Variants in FBXL18 observed in about 807,000 individuals in gnomAD.
FBXL18 encodes F-box/LRR-repeat protein 18.
In FBXL18, 36 loss-of-function variants were observed where a neutral mutation model predicts 46.0. The ratio of observed to expected loss-of-function variants is 0.78; its 90% confidence interval spans 0.60 to 1.03. The LOEUF (loss-of-function observed/expected upper bound fraction) is 1.03, where lower values mean the gene tolerates loss of function less well. FBXL18 is among the 50% of genes least tolerant of loss of function. FBXL18 has a pLI of 0.00. For missense variants in FBXL18, 977 were observed against 1,004.1 expected (o/e 0.97, Z 0.36); for synonymous variants, 557 against 465.3 (o/e 1.20, Z -2.54).
rs1442909777 is a variant in FBXL18, at chr7:5,480,983, T to C, written c.*792A>G. The C allele has an allele frequency of 6.8e-6, 1 of 147,648 alleles. No individual in the cohort carries two copies. Among genetic ancestry groups the C allele is most frequent in the Admixed American group, 6.9e-5 (1 of 14,490 alleles). 9.1% of individuals were successfully genotyped at this position (147,648 alleles called of 1,614,324 possible). A position where few individuals can be genotyped will look rare whatever the true frequency, so the allele number is the denominator to read the frequency against. ...TTATTCTAACAAAGCCGAATGTGTA[T>C]CGATTTCCCCAGGAACGCGCATGGA... On this transcript the variant is annotated 3_prime_UTR_variant, in exon 5 of 5. Transcript: ENST00000382368.
Position 5,501,438 on chromosome 7 carries a change from G to A in FBXL18, c.831C>T (p.Gly277=). The A allele has an allele frequency of 1.9e-6, 3 of 1,612,300 alleles. No homozygotes were observed. The highest frequency in any genetic ancestry group is 2.5e-6 in the Non-Finnish European group (3 of 1,179,770). ...ISVPGSFAES[G]ATKNLLDSMA... is the part of the protein sequence containing the mutation. ...TGGAGTCCAGGAGGTTCTTGGTGGC[G>A]CCGCTCTCCGCGAAGCTGCCAGGGA... The change falls in exon 3 of 5, where the codon GGC becomes GGT. Residue 277 remains glycine, a synonymous_variant. Transcript: ENST00000382368.
chr7:5,493,927 A>T (rs1435402381), intron 3 of FBXL18, among the ~76,000 whole-genome samples: 1 of 151,998 alleles, frequency 6.6e-6, no homozygotes, highest in Non-Finnish European at 1.5e-5. Flanking sequence ...TGAGGTCAGG[A>T]GTTCGACACT....
rs770719005 is a variant in FBXL18 at position 5,501,647 on chromosome 7, G to A, written c.622C>T (p.Arg208Cys). Residue 208 changes from arginine (R) to cysteine (C), a missense_variant, in exon 3 of 5, where the codon CGC (arginine) becomes TGC (cysteine). Physicochemically the swap from Arg to Cys is radical, Grantham distance 180. Transcript: ENST00000382368. ...TGGCCCGAGAGGATGGCGCCCTCGC[G>A]CGTGCGGTCCAGAATCTCGAAGTAG... ...LLYFEILDRT[R>C]EGAILSGQLM... The A allele has an allele frequency of 3.7e-6, 6 of 1,612,786 alleles. No individual in the cohort carries two copies. Among genetic ancestry groups the A allele is most frequent in the Non-Finnish European group, 2.5e-6 (3 of 1,179,602 alleles).
At position 5,456,569 on chromosome 7, in the gene FBXL18, G is replaced by T. The variant is rs146258622; in HGVS notation, c.2001-8726C>A. On this transcript the variant is annotated intron_variant and NMD_transcript_variant, in intron 4 of 6. Coordinates refer to the FBXL18 transcript ENST00000415009. ...AGCAGCAAACTCAGCAAGGTGGGGG[G>T]GCTCCAGGCAGAGGGAACAGCTTGT... Among the ~76,000 whole-genome samples, 664 of 152,190 alleles carry T rather than the reference G, an allele frequency of 4.4e-3. 3 individuals are homozygous for T. The highest frequency in any genetic ancestry group is 5.5e-3 in the Non-Finnish European group (371 of 68,002).
Position 5,501,470 on chromosome 7 carries a change from T to C in FBXL18, c.799A>G (p.Ile267Val). ...TCCGCGAAGCTGCCAGGGACGGAGA[T>C]GAGGAAGGCGTGGAGGTTCTGAGGA... ...RTPQNLHAFL[I>V]SVPGSFAESG... Residue 267 changes from isoleucine to valine, a missense_variant, in exon 3 of 5, where the codon ATC (isoleucine) becomes GTC (valine). Ile to Val is a conservative substitution (Grantham distance 29). Transcript: ENST00000382368. 3 of 1,613,338 alleles carry C rather than the reference T, an allele frequency of 1.9e-6. No individual in the cohort carries two copies. Among genetic ancestry groups the C allele is most frequent in the Non-Finnish European group, 2.5e-6 (3 of 1,179,894 alleles).
intron 2 of FBXL18, among the ~76,000 whole-genome samples, chr7:5,503,028 A>G (rs1407777137): frequency 2.0e-5 from 3 of 152,172 alleles, no homozygotes; most frequent in Non-Finnish European, 2.9e-5. Context: ...GTGTCCATCA[A>G]CAGGTGGATG....
intron 4 of FBXL18, among the ~76,000 whole-genome samples, chr7:5,459,996 G>A (rs984832288): frequency 2.0e-5 from 3 of 151,770 alleles, no homozygotes; most frequent in East Asian, 1.9e-4. Context: ...ACAGTGGCTC[G>A]TGCCTGTAAT....
chr7:5,513,187 G>A (rs1340768412), intron 1 of FBXL18, among the ~76,000 whole-genome samples: 1 of 152,136 alleles, frequency 6.6e-6, no homozygotes, highest in South Asian at 2.1e-4. Flanking sequence ...CAGGTGAAAT[G>A]GCTTTTCCTC....
intron 1 of FBXL18, among the ~76,000 whole-genome samples, chr7:5,512,244 CA>C (rs544569914): frequency 1.2e-3 from 75 of 60,776 alleles, no homozygotes; most frequent in Non-Finnish European, 1.2e-3. Context: ...GACTCCGTCT[CA>C]AAAAAAAAAA....
At chr7:5,485,440 T>C (rs1490722102) in intron 4 of FBXL18, among the ~76,000 whole-genome samples, 1 of 152,146 alleles carries the variant, frequency 6.6e-6, no homozygotes, top group Non-Finnish European at 1.5e-5. Context: ...TTCACACTCA[T>C]TGGCGAGATG....
At chr7:5,503,605 C>G (rs1784322153) in intron 2 of FBXL18, among the ~76,000 whole-genome samples, 1 of 151,902 alleles carries the variant, frequency 6.6e-6, no homozygotes, top group African/African-American at 2.4e-5. Context: ...TGTGATCCAC[C>G]TGCCTCAGCC....
Position 5,481,679 on chromosome 7 carries a change from G to T in FBXL18, c.*96C>A. Reference sequence around the variant, plus strand: ...TGGGGCGTGGCTGGCCGGGAGAGAGGCCCCCTTCCTCTTGTGACAAACCAA... The same window carrying T: ...TGGGGCGTGGCTGGCCGGGAGAGAGTCCCCCTTCCTCTTGTGACAAACCAA... On this transcript the variant is annotated 3_prime_UTR_variant, in exon 5 of 5. Coordinates refer to ENST00000382368, the MANE Select transcript of FBXL18 (RefSeq NM_024963.6). The T allele has an allele frequency of 2.2e-6, 3 of 1,355,354 alleles. No individual in the cohort carries two copies. Among genetic ancestry groups the T allele is most frequent in the Non-Finnish European group, 3.1e-6 (3 of 973,830 alleles). The allele number at this position is 1,355,354 out of a possible 1,614,324, so 84.0% of individuals were successfully genotyped here.
At chr7:5,469,714 G>A (rs1783398447) in intron 4 of FBXL18, among the ~76,000 whole-genome samples, 1 of 152,084 alleles carries the variant, frequency 6.6e-6, no homozygotes, top group Non-Finnish European at 1.5e-5. Context: ...GTCCGTGTAA[G>A]TAGAGTGCGT....
Position 5,500,956 on chromosome 7 carries a change from T to C in FBXL18, c.1313A>G (p.Gln438Arg). Reference sequence around the variant, plus strand: ...GCGCGGCACTGCGTGCATGGCCGGCTGGGCGGGCGCGCGGTCGGCGCGCGG... The same window carrying C: ...GCGCGGCACTGCGTGCATGGCCGGCCGGGCGGGCGCGCGGTCGGCGCGCGG... ...SAPRADRAPA[Q>R]PAMHAVPRGF... Residue 438 changes from glutamine (Q) to arginine (R), a missense_variant, in exon 3 of 5, where the codon CAG becomes CGG. By Grantham distance (43) the Gln-to-Arg change is conservative. Transcript: ENST00000382368. 1 of 1,537,468 alleles carries C rather than the reference T, an allele frequency of 6.5e-7. No individual in the cohort carries two copies. Among genetic ancestry groups the C allele is most frequent in the Non-Finnish European group, 8.7e-7 (1 of 1,147,178 alleles).
chr7:5,500,971 T>TCGGCGCGCGGC lies in FBXL18; in HGVS notation c.1287_1297dup (p.Asp433GlyfsTer51). On this transcript the variant is annotated frameshift_variant, in exon 3 of 5. Coordinates refer to ENST00000382368, the MANE Select transcript of FBXL18 (RefSeq NM_024963.6). LOFTEE classifies it high-confidence loss of function. ...CATGGCCGGCTGGGCGGGCGCGCGG[T>TCGGCGCGCGGC]CGGCGCGCGGCGCGGAGTCAGCGAC... The TCGGCGCGCGGC allele has an allele frequency of 1.3e-6, 2 of 1,538,156 alleles. No individual in the cohort carries two copies. The highest frequency in any genetic ancestry group is 1.7e-6 in the Non-Finnish European group (2 of 1,149,036).
chr7:5,503,526 CTCT>C (rs1419741707), intron 2 of FBXL18, among the ~76,000 whole-genome samples: 1 of 34,468 alleles, frequency 2.9e-5, no homozygotes, highest in Non-Finnish European at 5.3e-5. Flanking sequence ...GCTCATTTTT[CTCT>C]TTTTTTTTTT....
chr7:5,463,728 A>ATTTATTTTTTTTTTTTT (rs1562672288), intron 4 of FBXL18, among the ~76,000 whole-genome samples: 13 of 53,034 alleles, frequency 2.5e-4, no homozygotes, highest in African/African-American at 3.2e-4. Context: ...TTATTTATTT[A>ATTTATTTTTTTTTTTTT]TTTTTTTTTT....
intron 4 of FBXL18, among the ~76,000 whole-genome samples, chr7:5,482,695 C>A (rs374134023): frequency 2.6e-5 from 4 of 152,128 alleles, no homozygotes; most frequent in East Asian, 1.9e-4. Context: ...AGGGACCCCT[C>A]CACAGTCAGA....
chr7:5,505,695 C>T, intron 1 of FBXL18, 65 bp from the exon 2 acceptor site: 1 of 1,411,340 alleles, frequency 7.1e-7, no homozygotes, highest in Non-Finnish European at 1.0e-6. Flanking sequence ...TAGCCTGCAG[C>T]TAGGCAGAGA....
Sources: allele counts gnomAD v4.1 joint callset (sites outside exome capture counted in the v4.1 genomes callset), GRCh38; gene constraint gnomAD v4.1.1; transcripts MANE v1.5; gene names NCBI Gene and HGNC (gene_info 2026-07-23, HGNC 2026-07-21).